MECOM: variants seen among roughly 807,000 people sequenced by gnomAD.
MECOM encodes the protein MDS1 and EVI1 complex locus.
A neutral mutation model predicts 116.3 loss-of-function variants in MECOM; 13 were observed. The observed-to-expected ratio is 0.11, with a 90% CI of 0.07 to 0.18. MECOM has a LOEUF of 0.18. MECOM is among the 10% of genes least tolerant of loss of function. The pLI, the probability that MECOM is intolerant of heterozygous loss-of-function variation, is 1.00. For missense variants in MECOM, 1,299 were observed against 1,509.0 expected (o/e 0.86, Z 2.31); for synonymous variants, 528 against 535.2 (o/e 0.99, Z 0.19).
chr3:169,494,772 T>C (rs1161672755), intron 1 of MECOM, among the ~76,000 whole-genome samples: 1 of 152,224 alleles, frequency 6.6e-6, no homozygotes, highest in East Asian at 1.9e-4. Flanking sequence ...TTCATCTTTC[T>C]ACTCCAAACT....
intron 1 of MECOM, among the ~76,000 whole-genome samples, chr3:169,445,626 A>G (rs935530146): frequency 2.0e-5 from 3 of 152,158 alleles, no homozygotes; most frequent in Non-Finnish European, 4.4e-5. Flanking sequence ...CCCTACCGGG[A>G]CACTTTCTAG....
chr3:169,432,659 G>T (rs1741829803), intron 1 of MECOM, among the ~76,000 whole-genome samples: 1 of 152,156 alleles, frequency 6.6e-6, no homozygotes, highest in Non-Finnish European at 1.5e-5. Context: ...AGCCCTGTTA[G>T]GCTATACATC....
intron 2 of MECOM, among the ~76,000 whole-genome samples, chr3:169,363,120 C>T (rs892725778): frequency 7.2e-5 from 11 of 151,910 alleles, no homozygotes; most frequent in African/African-American, 2.7e-4. Context: ...TATTAATATT[C>T]TCTAAGGTGG....
At chr3:169,335,162 C>T (rs1328081842) in intron 2 of MECOM, among the ~76,000 whole-genome samples, 1 of 152,054 alleles carries the variant, frequency 6.6e-6, no homozygotes, top group African/African-American at 2.4e-5. Context: ...CTGGACTGAA[C>T]AAGGAAGCAG....
Position 169,663,514 on chromosome 3 carries a change from CT to C in MECOM, c.-143del, listed in dbSNP as rs1776609389. ...TCTCTCTCTCTCTCTCTCTCTCTCTCTCTCTCTCTCTCTCTCCCTCCCTCCT... is the reference window on the plus strand; with the variant it reads ...TCTCTCTCTCTCTCTCTCTCTCTCTCCTCTCTCTCTCTCTCCCTCCCTCCT... On this transcript the variant is annotated 5_prime_UTR_variant, in exon 1 of 17. Coordinates refer to ENST00000651503, the MANE Select transcript of MECOM (RefSeq NM_004991.4). The C allele has an allele frequency of 5.4e-5, 37 of 679,052 alleles. No homozygotes were observed. The highest frequency in any genetic ancestry group is 7.9e-4 in the Middle Eastern group (2 of 2,522). 42.1% of individuals were successfully genotyped at this position (679,052 alleles called of 1,614,324 possible).
chr3:169,377,249 T>C (rs1266666631), intron 2 of MECOM, among the ~76,000 whole-genome samples: 1 of 152,064 alleles, frequency 6.6e-6, no homozygotes, highest in African/African-American at 2.4e-5. Context: ...GGCAATACCA[T>C]CCAGGACATA....
intron 1 of MECOM, among the ~76,000 whole-genome samples, chr3:169,507,725 G>C (rs888792881): frequency 2.2e-5 from 3 of 135,922 alleles, no homozygotes; most frequent in African/African-American, 5.7e-5. Context: ...GCAGTGGCGC[G>C]ATCTCGGCTC....
At chr3:169,430,543 G>T (rs1054221881) in intron 1 of MECOM, among the ~76,000 whole-genome samples, 3 of 151,952 alleles carry the variant, frequency 2.0e-5, no homozygotes, top group African/African-American at 7.3e-5. Flanking sequence ...TTTCATAATT[G>T]TCTAATTAGT....
Position 169,115,817 on chromosome 3 carries a change from T to C in MECOM, c.2055A>G (p.Lys685=), listed in dbSNP as rs1405532716. ...STGLVGLQDK[K]VGALPYPSMF... is the part of the protein sequence containing the mutation. ...TGGAAGGGTAAGGTAAAGCTCCAAC[T>C]TTTTTGTCTTGCAGCCCCACCAGTC... Residue 685 remains lysine, a synonymous_variant, in exon 8 of 17, where the codon AAA becomes AAG. Coordinates refer to ENST00000651503, the MANE Select transcript of MECOM (RefSeq NM_004991.4). 1 of 1,614,086 alleles carries C rather than the reference T, an allele frequency of 6.2e-7. No individual in the cohort carries two copies. The highest frequency in any genetic ancestry group is 8.5e-7 in the Non-Finnish European group (1 of 1,180,016).
chr3:169,354,093 C>T (rs1404470463), intron 2 of MECOM, among the ~76,000 whole-genome samples: 1 of 151,734 alleles, frequency 6.6e-6, no homozygotes, highest in African/African-American at 2.4e-5. Flanking sequence ...TTATAAAGTC[C>T]TGAAGATTTT....
intron 1 of MECOM, among the ~76,000 whole-genome samples, chr3:169,393,036 T>G (rs1236435092): frequency 2.0e-5 from 3 of 152,130 alleles, no homozygotes; most frequent in Non-Finnish European, 2.9e-5. Context: ...GTAGTTCCCA[T>G]GTCAACTAAA....
rs1560341190 is a variant in MECOM at position 169,485,993 on chromosome 3, ATG to A, written c.38-104471_38-104470del. 4.3e-4 allele frequency among the ~76,000 whole-genome samples: 42 copies of A among 97,142 alleles called. 1 individual carries two copies. Among genetic ancestry groups the A allele is most frequent in the African/African-American group, 1.5e-3 (34 of 23,308 alleles). The allele number at this position is 97,142 out of a possible 152,430, so 63.7% of individuals were successfully genotyped here. On this transcript the variant is annotated intron_variant, in intron 1 of 16. Transcript: ENST00000651503. The stretch of plus-strand genomic sequence containing the variant: ...ATATACATATATATATAGTATATAT[ATG>A]TATATATATACTATATATATATGTA...
rs1237906532 is a variant in MECOM, at chr3:169,441,744, T to TTTTTTTTTTTTTTTTG, written c.38-60221_38-60220insCAAAAAAAAAAAAAAA. Among the ~76,000 whole-genome samples the TTTTTTTTTTTTTTTTG allele has an allele frequency of 1.2e-4, 17 of 142,010 alleles. 1 individual carries two copies. Among genetic ancestry groups the TTTTTTTTTTTTTTTTG allele is most frequent in the Non-Finnish European group, 2.0e-4 (13 of 63,438 alleles). The allele number at this position is 142,010 out of a possible 152,430, so 93.2% of individuals were successfully genotyped here. On this transcript the variant is annotated intron_variant, in intron 1 of 16. Transcript: ENST00000651503. ...TCTTCTCTTCTTTTTTTTTTTTTTTTAAAAAAGGGGGGGTCTTGCTCTGTC... is the reference window on the plus strand; with the variant it reads ...TCTTCTCTTCTTTTTTTTTTTTTTTTTTTTTTTTTTTTTTTGAAAAAAGGGGGGGTCTTGCTCTGTC...
At chr3:169,651,381 A>G (rs1369425395) in intron 1 of MECOM, among the ~76,000 whole-genome samples, 1 of 152,222 alleles carries the variant, frequency 6.6e-6, no homozygotes. Flanking sequence ...ATGGTGGATT[A>G]TCTTTTTGAT....
intron 1 of MECOM, among the ~76,000 whole-genome samples, chr3:169,575,698 T>G (rs1764408403): frequency 6.6e-6 from 1 of 152,166 alleles, no homozygotes; most frequent in Non-Finnish European, 1.5e-5. Flanking sequence ...AGTGAAGTGG[T>G]GTGTCGTTCA....
chr3:169,327,544 G>A lies in MECOM; in HGVS notation c.375+53643C>T, dbSNP rs371572299. On this transcript the variant is annotated intron_variant, in intron 2 of 16. Transcript: ENST00000651503. ...TCTCAGTCACTCGGGAGGCTGAGGC[G>A]GGAGAATTGCTTGAAGCCAGGAGGC... is the stretch of plus-strand genomic sequence containing the variant. Among the ~76,000 whole-genome samples the A allele has an allele frequency of 5.4e-3, 817 of 151,156 alleles. 7 individuals carry two copies. The highest frequency in any genetic ancestry group is 0.019 in the African/African-American group (775 of 41,170).
intron 2 of MECOM, among the ~76,000 whole-genome samples, chr3:169,170,648 T>C (rs1744283720): frequency 6.6e-6 from 1 of 152,156 alleles, no homozygotes; most frequent in Admixed American, 6.5e-5. Flanking sequence ...CCAGTTTCTC[T>C]AATTCTGGGC....
At chr3:169,543,443 T>C (rs545463698) in intron 1 of MECOM, among the ~76,000 whole-genome samples, 1 of 152,222 alleles carries the variant, frequency 6.6e-6, no homozygotes, top group South Asian at 2.1e-4. Context: ...GGCATGGTAG[T>C]ATGTGCCTGT....
intron 1 of MECOM, among the ~76,000 whole-genome samples, chr3:169,496,351 A>C (rs1213712837): frequency 2.0e-5 from 3 of 152,218 alleles, no homozygotes; most frequent in Non-Finnish European, 4.4e-5. Flanking sequence ...CTTAGCTAAG[A>C]GCTTTTGTTT....
Sources: gnomAD v4.1 joint callset for allele counts (sites outside exome capture counted in the v4.1 genomes callset) on GRCh38, gnomAD v4.1.1 for gene constraint, MANE v1.5 for transcripts, NCBI Gene and HGNC (gene_info 2026-07-23, HGNC 2026-07-21) for gene names.